DGKB: variants seen among roughly 807,000 people sequenced by gnomAD.
DGKB encodes 90 kDa diacylglycerol kinase.
DGKB carries 67 observed loss-of-function variants against 114.3 expected under a neutral mutation model. That is an observed-to-expected ratio of 0.59 (90% CI 0.48 to 0.72). The LOEUF is 0.72. Ranked by LOEUF, DGKB falls within the 30% of genes least tolerant of loss-of-function variation. The pLI is 0.00. For missense variants in DGKB, 907 were observed against 975.2 expected (o/e 0.93, Z 0.93); for synonymous variants, 398 against 323.1 (o/e 1.23, Z -2.49).
At chr7:14,718,494 T>C in intron 6 of DGKB, 48 bp downstream of exon 6, 1 of 1,549,586 alleles carries the variant, frequency 6.5e-7, no homozygotes, top group Non-Finnish European at 8.7e-7. Context: ...TCCAGTCCTT[T>C]CTCCTGCCCC....
rs1032250374 is a variant in DGKB, at chr7:14,313,826, G to T, written c.2122+24689C>A. ...GCCTCTGTAGGCTCCACCTCTGGGG[G>T]CAGGGCACAGACAAACAAAAAGACA... On this transcript the variant is annotated intron_variant, in intron 23 of 25. Coordinates refer to ENST00000402815, the MANE Select transcript of DGKB (RefSeq NM_001350709.2). Among the ~76,000 whole-genome samples the T allele has an allele frequency of 1.6e-4, 25 of 152,294 alleles. No homozygotes were observed. The East Asian group carries it at 4.7e-3, about 28-fold the overall frequency.
chr7:14,763,530 G>A (rs1428662515), intron 2 of DGKB, among the ~76,000 whole-genome samples: 1 of 152,108 alleles, frequency 6.6e-6, no homozygotes, highest in African/African-American at 2.4e-5. Flanking sequence ...TTCACATAAT[G>A]ATTCAAGCTA....
intron 21 of DGKB, among the ~76,000 whole-genome samples, chr7:14,470,221 C>T (rs1185516865): frequency 1.3e-5 from 2 of 151,828 alleles, no homozygotes; most frequent in African/African-American, 4.8e-5. Flanking sequence ...CTGCACAACA[C>T]CACTATTTCT....
intron 13 of DGKB, among the ~76,000 whole-genome samples, chr7:14,648,871 G>A (rs1272771887): frequency 1.5e-5 from 2 of 134,732 alleles, no homozygotes; most frequent in Non-Finnish European, 1.6e-5. Context: ...GAGCTGATGC[G>A]ATCAACTGGA....
intron 2 of DGKB, among the ~76,000 whole-genome samples, chr7:14,795,135 C>T (rs1841222248): frequency 6.6e-6 from 1 of 152,166 alleles, no homozygotes; most frequent in South Asian, 2.1e-4. Flanking sequence ...CTCAAACAAA[C>T]TACTTGAGTT....
intron 25 of DGKB, among the ~76,000 whole-genome samples, chr7:14,169,364 C>CAAAAAAAAAAAAAA (rs35418998): frequency 3.4e-4 from 22 of 65,254 alleles, no homozygotes; most frequent in Non-Finnish European, 6.0e-4. Flanking sequence ...GACTCCGTCT[C>CAAAAAAAAAAAAAA]AAAAAAAAAA....
At chr7:14,856,726 T>G (rs1850207075) in intron 1 of DGKB, among the ~76,000 whole-genome samples, 1 of 152,160 alleles carries the variant, frequency 6.6e-6, no homozygotes, top group South Asian at 2.1e-4. Flanking sequence ...GCTTTATTTT[T>G]AATTTTTCAT....
At chr7:14,621,693 A>G (rs1293534110) in intron 14 of DGKB, among the ~76,000 whole-genome samples, 199 bp from the exon 15 acceptor site, 1 of 152,028 alleles carries the variant, frequency 6.6e-6, no homozygotes, top group African/African-American at 2.4e-5. Context: ...TCGAACCACC[A>G]TTTAAAGAAA....
At chr7:14,164,582 G>A (rs111343289) in intron 25 of DGKB, among the ~76,000 whole-genome samples, 2 of 152,258 alleles carry the variant, frequency 1.3e-5, no homozygotes, top group African/African-American at 4.8e-5. Flanking sequence ...TTCTTTTTAT[G>A]TAATTATGAA....
chr7:14,905,851 T>C (rs1783676952), upstream of DGKB, among the ~76,000 whole-genome samples: 1 of 152,178 alleles, frequency 6.6e-6, no homozygotes, highest in African/African-American at 2.4e-5. Flanking sequence ...AATTAATCTG[T>C]GAGTGCAGGG....
intron 2 of DGKB, among the ~76,000 whole-genome samples, chr7:14,784,992 G>T (rs1466652161): frequency 1.3e-5 from 2 of 152,066 alleles, no homozygotes; most frequent in Admixed American, 1.3e-4. Context: ...ATAAACTAAG[G>T]TTATGTATGT....
intron 22 of DGKB, among the ~76,000 whole-genome samples, chr7:14,344,250 C>T (rs1177208359): frequency 6.6e-6 from 1 of 151,196 alleles, no homozygotes; most frequent in Non-Finnish European, 1.5e-5. Flanking sequence ...GGTTTTTTCC[C>T]ATTCCATGAC....
intron 2 of DGKB, among the ~76,000 whole-genome samples, chr7:14,818,867 G>C (rs1044009452): frequency 2.6e-5 from 4 of 152,196 alleles, no homozygotes; most frequent in African/African-American, 9.6e-5. Flanking sequence ...AAACGATAGA[G>C]AGGATGGTGT....
chr7:14,732,666 C>A (rs138469295), intron 5 of DGKB, among the ~76,000 whole-genome samples: 200 of 152,232 alleles, frequency 1.3e-3, no homozygotes, highest in African/African-American at 4.5e-3. Context: ...TTAATCATTG[C>A]TGCATGAGGA....
chr7:14,258,954 T>G (rs1458013867), intron 23 of DGKB, among the ~76,000 whole-genome samples: 3 of 152,194 alleles, frequency 2.0e-5, no homozygotes, highest in Non-Finnish European at 2.9e-5. Flanking sequence ...TCTTAAAGCC[T>G]GATTTAAGTC....
intron 6 of DGKB, among the ~76,000 whole-genome samples, chr7:14,716,022 T>C (rs2128343398): frequency 6.6e-6 from 1 of 152,272 alleles, no homozygotes; most frequent in East Asian, 1.9e-4. Flanking sequence ...TTTAAAAATA[T>C]TTGGGGAAAC....
chr7:14,263,258 C>A (rs1233895107), intron 23 of DGKB, among the ~76,000 whole-genome samples: 2 of 152,138 alleles, frequency 1.3e-5, no homozygotes, highest in African/African-American at 4.8e-5. Flanking sequence ...ATTGTCATCA[C>A]CTTTTTCATT....
At chr7:14,157,919 C>CTA (rs1783272608) in intron 25 of DGKB, among the ~76,000 whole-genome samples, 1 of 152,148 alleles carries the variant, frequency 6.6e-6, no homozygotes, top group African/African-American at 2.4e-5. Context: ...TGTGACTTGA[C>CTA]TTTTCTTACT....
At chr7:14,199,964 C>T (rs1172785564) in intron 23 of DGKB, among the ~76,000 whole-genome samples, 1 of 151,914 alleles carries the variant, frequency 6.6e-6, no homozygotes, top group African/African-American at 2.4e-5. Context: ...TAGTGGTGTA[C>T]AGGGCACAAA....
Sources: gnomAD v4.1 joint callset for allele counts (sites outside exome capture counted in the v4.1 genomes callset) on GRCh38, gnomAD v4.1.1 for gene constraint, MANE v1.5 for transcripts, NCBI Gene and HGNC (gene_info 2026-07-23, HGNC 2026-07-21) for gene names.